Variants in ZCCHC7 observed in about 807,000 individuals in gnomAD.
ZCCHC7 encodes the protein zinc finger CCHC-type containing 7.
A neutral mutation model predicts 52.0 loss-of-function variants in ZCCHC7; 35 were observed. The ratio of observed to expected loss-of-function variants is 0.67; its 90% CI spans 0.51 to 0.89. ZCCHC7 has a LOEUF of 0.89. ZCCHC7 is among the 40% of genes least tolerant of loss of function. The pLI, the probability that ZCCHC7 is intolerant of heterozygous loss-of-function variation, is 0.00. For synonymous variants in ZCCHC7, 217 were observed against 221.5 expected (o/e 0.98, Z 0.18); for missense variants, 574 against 649.1 (o/e 0.88, Z 1.26).
intron 2 of ZCCHC7, among the ~76,000 whole-genome samples, chr9:37,273,458 G>A (rs879579519): frequency 1.2e-4 from 19 of 152,124 alleles, no homozygotes; most frequent in Admixed American, 5.9e-4. Context: ...AGCTGAGATC[G>A]CGCCACTGCA....
chr9:37,228,796 A>G (rs957313596), intron 2 of ZCCHC7, among the ~76,000 whole-genome samples: 1 of 151,112 alleles, frequency 6.6e-6, no homozygotes, highest in African/African-American at 2.4e-5. Flanking sequence ...CTTCTACCCA[A>G]TCACGATAGT....
chr9:37,283,375 C>A (rs1358721916), intron 2 of ZCCHC7, among the ~76,000 whole-genome samples: 1 of 152,082 alleles, frequency 6.6e-6, no homozygotes, highest in Non-Finnish European at 1.5e-5. Context: ...CTCCATACCC[C>A]AAGATTTTAC....
rs374527783 is a variant in ZCCHC7 at position 37,317,604 on chromosome 9, G to T, written c.952-10195G>T. Among the ~76,000 whole-genome samples, 168 of 152,002 alleles carry T rather than the reference G, an allele frequency of 1.1e-3. 2 individuals are homozygous for T. The South Asian group carries it at 0.033, about 30-fold the overall frequency. ...TTTATTTTTTAAATTATAGTAATGT[G>T]GTTTATAGGTAATTTCAGTAAAATA... On this transcript the variant is annotated intron_variant, in intron 5 of 8. Transcript: ENST00000336755.
intron 6 of ZCCHC7, among the ~76,000 whole-genome samples, chr9:37,334,685 C>T (rs775387315): frequency 4.0e-5 from 6 of 151,796 alleles, no homozygotes; most frequent in African/African-American, 9.7e-5. Context: ...TTTTTTGGTA[C>T]ATTTATAAGT....
chr9:37,147,940 G>C (rs1843509435), intron 2 of ZCCHC7, among the ~76,000 whole-genome samples: 1 of 152,056 alleles, frequency 6.6e-6, no homozygotes, highest in African/African-American at 2.4e-5. Flanking sequence ...GAGCACTGGT[G>C]ATAATGATGT....
chr9:37,355,603 A>G (rs1322099224), intron 8 of ZCCHC7, among the ~76,000 whole-genome samples: 1 of 152,202 alleles, frequency 6.6e-6, no homozygotes, highest in Non-Finnish European at 1.5e-5. Flanking sequence ...AATGTATGTC[A>G]TCTACAGCTA....
intron 6 of ZCCHC7, among the ~76,000 whole-genome samples, chr9:37,341,608 T>TTTGG (rs576887619): frequency 7.2e-4 from 109 of 152,068 alleles, no homozygotes; most frequent in East Asian, 3.5e-3. Flanking sequence ...TTGAGTTTTG[T>TTTGG]TTGGTTGGTT....
At chr9:37,229,964 C>T (rs1306446730) in intron 2 of ZCCHC7, among the ~76,000 whole-genome samples, 2 of 151,872 alleles carry the variant, frequency 1.3e-5, no homozygotes, top group African/African-American at 2.4e-5. Context: ...TTGTTAAAAC[C>T]TCATACACAG....
intron 2 of ZCCHC7, among the ~76,000 whole-genome samples, chr9:37,153,939 G>A (rs182593008): frequency 1.2e-4 from 18 of 152,276 alleles, no homozygotes; most frequent in Admixed American, 7.8e-4. Flanking sequence ...ATCCAGGCTA[G>A]AGTGCAGTGG....
chr9:37,274,549 G>A (rs536293468), intron 2 of ZCCHC7, among the ~76,000 whole-genome samples: 82 of 151,786 alleles, frequency 5.4e-4, no homozygotes, highest in Non-Finnish European at 1.0e-3. Flanking sequence ...ATGTTGGCCA[G>A]GCTGGTCTTG....
At chr9:37,131,804 C>G (rs1194587422) in intron 2 of ZCCHC7, among the ~76,000 whole-genome samples, 1 of 152,060 alleles carries the variant, frequency 6.6e-6, no homozygotes, top group Middle Eastern at 3.2e-3. Flanking sequence ...GATTAGCTTC[C>G]TGAGGCTCCA....
chr9:37,254,849 T>TTTTTTC (rs1826504991), intron 2 of ZCCHC7, among the ~76,000 whole-genome samples: 1 of 146,760 alleles, frequency 6.8e-6, no homozygotes, highest in South Asian at 2.2e-4. Context: ...TTTTTTTTTT[T>TTTTTTC]TTTTGGATTT....
At chr9:37,238,808 C>A (rs1272653357) in intron 2 of ZCCHC7, among the ~76,000 whole-genome samples, 3 of 151,784 alleles carry the variant, frequency 2.0e-5, no homozygotes, top group African/African-American at 7.3e-5. Context: ...ATCACGATTG[C>A]AATGAAAATG....
At chr9:37,200,423 T>C (rs1184764237) in intron 2 of ZCCHC7, among the ~76,000 whole-genome samples, 2 of 152,254 alleles carry the variant, frequency 1.3e-5, no homozygotes, top group East Asian at 3.8e-4. Context: ...TTTCCTCATA[T>C]TCCTTACCCA....
chr9:37,126,239 G>T, intron 1 of ZCCHC7, 73 bp from the exon 2 acceptor site: 4 of 1,356,964 alleles, frequency 2.9e-6, no homozygotes, highest in Non-Finnish European at 4.0e-6. Context: ...TCACTGACAG[G>T]TGATATTGTT....
chr9:37,172,423 C>T (rs7047931), intron 2 of ZCCHC7, among the ~76,000 whole-genome samples: 85,986 of 152,006 alleles, frequency 0.57, 24,966 homozygotes, highest in African/African-American at 0.7. Context: ...CATTGTCTTA[C>T]GCATTAATAG....
At chr9:37,356,732 T>G in intron 8 of ZCCHC7, 103 bp from the exon 9 acceptor site, 4 of 1,104,816 alleles carry the variant, frequency 3.6e-6, no homozygotes, top group Non-Finnish European at 5.1e-6. Flanking sequence ...GTTAACATGT[T>G]TAAATATCTA....
intron 2 of ZCCHC7, among the ~76,000 whole-genome samples, chr9:37,159,969 A>G (rs1348300920): frequency 6.6e-6 from 1 of 152,220 alleles, no homozygotes; most frequent in Non-Finnish European, 1.5e-5. Context: ...TAAACAGTAG[A>G]ATTTAAAGAG....
rs1829274020 is a variant in ZCCHC7, at chr9:37,305,783, A to G, written c.951+69A>G. ...GTGTGCAAGTTTGTAATTAATGTGC[A>G]AGTTTATAACTATCAGTCAGCATAC... On this transcript the variant is annotated intron_variant, in intron 5 of 8. Coordinates refer to ENST00000336755, the MANE Select transcript of ZCCHC7 (RefSeq NM_032226.3). The G allele has an allele frequency of 2.6e-6, 4 of 1,551,656 alleles. 1 individual carries two copies. The highest frequency in any genetic ancestry group is 3.5e-6 in the Non-Finnish European group (4 of 1,130,150).
Sources: allele counts gnomAD v4.1 joint callset (sites outside exome capture counted in the v4.1 genomes callset), GRCh38; gene constraint gnomAD v4.1.1; transcripts MANE v1.5; gene names NCBI Gene and HGNC (gene_info 2026-07-23, HGNC 2026-07-21).